Variants in ZNF578 observed in about 807,000 individuals in gnomAD.
ZNF578 encodes Putative chemokine-related protein B42.
ZNF578 carries 8 observed loss-of-function variants against 8.3 expected under a neutral mutation model. That is an observed-to-expected ratio of 0.96 (90% CI 0.56 to 1.74). The LOEUF is 1.74. Among genes scored for constraint, ZNF578 ranks in the 40% most tolerant of loss-of-function variants. The pLI, the probability that ZNF578 is intolerant of heterozygous loss-of-function variation, is 0.00. For missense variants in ZNF578, 726 were observed against 707.5 expected, an observed-to-expected ratio of 1.03 and a Z score of -0.30; for synonymous variants, 206 against 232.2, an observed-to-expected ratio of 0.89 and a Z score of 1.03.
At position 52,510,892 on chromosome 19, in the gene ZNF578, C is replaced by T; in HGVS notation, c.511C>T (p.Gln171Ter). ...HLHLPELHIF[Q>*]PEEKIANQVE... ...GCATCTTCCTGAACTCCACATATTTCAGCCCGAAGAGAAAATTGCTAATCA... is the reference window on the plus strand; with the variant it reads ...GCATCTTCCTGAACTCCACATATTTTAGCCCGAAGAGAAAATTGCTAATCA... The change falls in exon 6 of 6, where the codon CAG (glutamine) becomes TAG (stop). Residue 171 changes from glutamine to a stop codon, truncating the protein, a stop_gained. Coordinates refer to ENST00000421239, the MANE Select transcript of ZNF578 (RefSeq NM_001099694.2). LOFTEE classifies it low-confidence loss of function (END_TRUNC). The T allele has an allele frequency of 1.2e-6, 2 of 1,614,200 alleles. No individual in the cohort carries two copies. Among genetic ancestry groups the T allele is most frequent in the Non-Finnish European group, 1.7e-6 (2 of 1,180,034 alleles).
In ZNF578 at chr19:52,512,338, C is replaced by T; in HGVS notation, c.*184C>T. 6.5e-7 allele frequency: 1 copy of T among 1,528,224 alleles called. No homozygotes were observed. Among genetic ancestry groups the T allele is most frequent in the Non-Finnish European group, 9.1e-7 (1 of 1,103,604 alleles). 94.7% of individuals were successfully genotyped at this position (1,528,224 alleles called of 1,614,324 possible). A position where few individuals can be genotyped will look rare whatever the true frequency, so the allele number is the denominator to read the frequency against. ...TCAGGCCATTCATGGTGTAGGGAAA[C>T]TTGACTAATGTAATGATTGTCACAA... On this transcript the variant is annotated 3_prime_UTR_variant, in exon 6 of 6. Transcript: ENST00000421239.
At chr19:52,470,221 C>T (rs931741433) in intron 2 of ZNF578, among the ~76,000 whole-genome samples, 1 of 152,102 alleles carries the variant, frequency 6.6e-6, no homozygotes, top group East Asian at 1.9e-4. Context: ...GAGGCAGATG[C>T]GAGGCAAGGC....
chr19:52,502,036 C>G, intron 4 of ZNF578, 128 bp downstream of exon 4: 4 of 1,425,914 alleles, frequency 2.8e-6, no homozygotes, highest in Non-Finnish European at 3.8e-6. Context: ...TTGCCTGACA[C>G]GTTTGCTTGC....
At chr19:52,486,756 A>G (rs567087637) in intron 2 of ZNF578, among the ~76,000 whole-genome samples, 28 of 151,858 alleles carry the variant, frequency 1.8e-4, no homozygotes, top group East Asian at 7.7e-4. Context: ...AACAGGGAGA[A>G]CAGAGGAGGC....
At chr19:52,466,134 T>C (rs540603406) in intron 2 of ZNF578, among the ~76,000 whole-genome samples, 2 of 152,318 alleles carry the variant, frequency 1.3e-5, no homozygotes, top group African/African-American at 2.4e-5. Context: ...GGTGAAACGA[T>C]GAAAGGGAGG....
intron 2 of ZNF578, among the ~76,000 whole-genome samples, chr19:52,463,958 A>C (rs2059266526): frequency 6.6e-6 from 1 of 152,234 alleles, no homozygotes; most frequent in Admixed American, 6.5e-5. Flanking sequence ...TTATCAATAC[A>C]TCCAACAAAT....
At chr19:52,465,488 A>AAG (rs2059271976) in intron 2 of ZNF578, among the ~76,000 whole-genome samples, 1 of 152,158 alleles carries the variant, frequency 6.6e-6, no homozygotes, top group Non-Finnish European at 1.5e-5. Flanking sequence ...ACTCAGCCTC[A>AAG]TCGTCTGTCT....
At chr19:52,474,885 C>T (rs537622736) in intron 2 of ZNF578, 2 of 205,154 alleles carry the variant, frequency 9.7e-6, no homozygotes, top group South Asian at 1.6e-4. Flanking sequence ...GCATTCATTA[C>T]ATTTGTAAGG....
chr19:52,499,916 C>G (rs2059400627), intron 3 of ZNF578, among the ~76,000 whole-genome samples: 1 of 152,062 alleles, frequency 6.6e-6, no homozygotes, highest in Admixed American at 6.6e-5. Flanking sequence ...CCTCTCTGAC[C>G]TCATCTCCTA....
chr19:52,487,950 GCC>G lies in ZNF578; in HGVS notation c.-121-3365_-121-3364del, dbSNP rs59420928. 3.5e-3 allele frequency among the ~76,000 whole-genome samples: 501 copies of G among 144,178 alleles called. 2 individuals are homozygous for G. Among genetic ancestry groups the G allele is most frequent in the Non-Finnish European group, 5.1e-3 (339 of 66,208 alleles). The allele number at this position is 144,178 out of a possible 152,430, so 94.6% of individuals were successfully genotyped here. A position where few individuals can be genotyped will look rare whatever the true frequency, so the allele number is the denominator to read the frequency against. On this transcript the variant is annotated intron_variant, in intron 2 of 5. Coordinates refer to ENST00000421239, the MANE Select transcript of ZNF578 (RefSeq NM_001099694.2). ...TGGCCCGTGGCATCTGGCCTACATA[GCC>G]CCCCCCCCTTTTTTTTTTTGAGAGG...
intron 2 of ZNF578, chr19:52,458,417 CAT>C (rs2059245861): frequency 7.1e-6 from 1 of 141,252 alleles, no homozygotes. Flanking sequence ...CTATCAAGAA[CAT>C]GTGAAATTTT....
At chr19:52,485,529 G>C (rs1036322287) in intron 2 of ZNF578, among the ~76,000 whole-genome samples, 2 of 152,146 alleles carry the variant, frequency 1.3e-5, no homozygotes, top group Admixed American at 6.5e-5. Context: ...GAGAGTTGAG[G>C]GGCTGTCCTG....
chr19:52,507,462 G>T (rs1438116959), intron 5 of ZNF578, among the ~76,000 whole-genome samples: 4 of 152,120 alleles, frequency 2.6e-5, no homozygotes, highest in African/African-American at 9.7e-5. Flanking sequence ...CGAGGCTGAG[G>T]CACGAGACTC....
In ZNF578 at chr19:52,481,288, T is replaced by G. The variant is rs1273645351; in HGVS notation, c.-121-10036T>G. On this transcript the variant is annotated intron_variant, in intron 2 of 5. Coordinates refer to ENST00000421239, the MANE Select transcript of ZNF578 (RefSeq NM_001099694.2). ...TTCTTCCTTCATGTCCTCCTATCCC[T>G]GTGTATGGGTGCCATGTTGCCGTGG... 2.6e-5 allele frequency among the ~76,000 whole-genome samples: 4 copies of G among 152,292 alleles called. No individual in the cohort carries two copies. In the East Asian group the frequency reaches 7.7e-4, roughly 29 times the overall value.
chr19:52,478,636 G>C (rs759895101), intron 2 of ZNF578, among the ~76,000 whole-genome samples: 6 of 152,192 alleles, frequency 3.9e-5, no homozygotes, highest in South Asian at 2.1e-4. Context: ...CAGAAGGACA[G>C]TATGAACAAA....
At chr19:52,481,876 G>A (rs1302872274) in intron 2 of ZNF578, among the ~76,000 whole-genome samples, 2 of 151,870 alleles carry the variant, frequency 1.3e-5, no homozygotes, top group Non-Finnish European at 2.9e-5. Context: ...GACCACAGGT[G>A]TGAACCACCA....
intron 3 of ZNF578, among the ~76,000 whole-genome samples, chr19:52,494,585 A>G (rs2059379129): frequency 6.6e-6 from 1 of 152,220 alleles, no homozygotes; most frequent in South Asian, 2.1e-4. Context: ...ACTTCTGTCT[A>G]TATAATCTAA....
Position 52,515,316 on chromosome 19 carries a change from A to T in ZNF578, c.*3162A>T, listed in dbSNP as rs2059469264. Among the ~76,000 whole-genome samples, 1 of 151,946 alleles carries T rather than the reference A, an allele frequency of 6.6e-6. No homozygotes were observed. The highest frequency in any genetic ancestry group is 6.6e-5 in the Admixed American group (1 of 15,240). On this transcript the variant is annotated 3_prime_UTR_variant, in exon 6 of 6. Coordinates refer to ENST00000421239, the MANE Select transcript of ZNF578 (RefSeq NM_001099694.2). ...TGCTTATTTCTTAGTTCTACAGCTGACCCTCTTTCACTGTTTCCAAGGTCA... is the reference window on the plus strand; with the variant it reads ...TGCTTATTTCTTAGTTCTACAGCTGTCCCTCTTTCACTGTTTCCAAGGTCA...
At chr19:52,459,308 T>A (rs1277113451) in intron 2 of ZNF578, among the ~76,000 whole-genome samples, 1 of 152,342 alleles carries the variant, frequency 6.6e-6, no homozygotes, top group East Asian at 1.9e-4. Flanking sequence ...TTTATATGCA[T>A]TTGACTACTT....
Sources: allele counts gnomAD v4.1 joint callset (sites outside exome capture counted in the v4.1 genomes callset), GRCh38; gene constraint gnomAD v4.1.1; transcripts MANE v1.5; gene names NCBI Gene and HGNC (gene_info 2026-07-23, HGNC 2026-07-21).